The following UGT1A8 variants were observed in gnomAD, a reference collection of about 807,000 sequenced individuals.
UGT1A8 encodes UDP glucuronosyltransferase family 1 member A8.
UGT1A8 carries 39 observed loss-of-function variants against 45.3 expected under a neutral mutation model. The observed-to-expected ratio is 0.86, with a 90% CI of 0.67 to 1.12. UGT1A8 has a LOEUF of 1.12. Among genes scored for constraint, UGT1A8 ranks in the 50% most tolerant of loss-of-function variants. UGT1A8 has a pLI of 0.00. For synonymous variants in UGT1A8, 275 were observed against 249.2 expected (o/e 1.10, Z -0.97); for missense variants, 719 against 664.9 (o/e 1.08, Z -0.90).
intron 1 of UGT1A8, chr2:233,672,250 T>C (rs2074217670): frequency 1.9e-6 from 3 of 1,614,088 alleles, no homozygotes; most frequent in Non-Finnish European, 2.5e-6. Flanking sequence ...ACGAAGTATA[T>C]ATTCTCTATT....
intron 1 of UGT1A8, among the ~76,000 whole-genome samples, chr2:233,731,993 G>T (rs913496587): frequency 6.6e-6 from 1 of 152,180 alleles, no homozygotes; most frequent in African/African-American, 2.4e-5. Context: ...GGCGTGAGAT[G>T]GTATCTCATT....
intron 1 of UGT1A8, chr2:233,637,233 C>T (rs766013519): frequency 3.1e-6 from 5 of 1,613,782 alleles, no homozygotes; most frequent in Non-Finnish European, 4.2e-6. Context: ...TTCTCCAAAC[C>T]CCTGTCACGG....
Position 233,768,423 on chromosome 2 carries a change from G to C in UGT1A8, c.1279G>C (p.Val427Leu). ...SEDLENALKAVINDKSYKENI... is the reference protein window; with the variant it reads ...SEDLENALKALINDKSYKENI... ...AGATTTAGAAAATGCTCTAAAAGCAGTCATCAATGACAAAAGGTAAGAAAG... is the reference window on the plus strand; with the variant it reads ...AGATTTAGAAAATGCTCTAAAAGCACTCATCAATGACAAAAGGTAAGAAAG... The change falls in exon 4 of 5, where the codon GTC becomes CTC. Residue 427 changes from valine to leucine, a missense_variant. By Grantham distance (32) the Val-to-Leu change is conservative. Coordinates refer to ENST00000373450, the MANE Select transcript of UGT1A8 (RefSeq NM_019076.5). 6.2e-7 allele frequency: 1 copy of C among 1,614,098 alleles called. No individual in the cohort carries two copies. Among genetic ancestry groups the C allele is most frequent in the South Asian group, 1.1e-5 (1 of 91,060 alleles).
chr2:233,729,432 AAC>A (rs1456497728), intron 1 of UGT1A8: 1 of 1,613,916 alleles, frequency 6.2e-7, no homozygotes, highest in East Asian at 2.2e-5. Flanking sequence ...TGTACTTTGA[AAC>A]AGAACATTTT....
intron 1 of UGT1A8, among the ~76,000 whole-genome samples, chr2:233,688,667 T>A (rs1207441299): frequency 6.6e-6 from 1 of 152,216 alleles, no homozygotes; most frequent in Non-Finnish European, 1.5e-5. Flanking sequence ...TGCAGCTGGC[T>A]CTTTTTTAAA....
rs35915271 is a variant in UGT1A8 at position 233,764,965 on chromosome 2, A to T, written c.856-2069A>T. On this transcript the variant is annotated intron_variant, in intron 1 of 4. Coordinates refer to ENST00000373450, the MANE Select transcript of UGT1A8 (RefSeq NM_019076.5). ...GCGGGGAGAGAGGGCTCACCTTGGG[A>T]GAAGGATGGTCAGTGTCTGGGGCTT... Among the ~76,000 whole-genome samples the T allele has an allele frequency of 1.4e-3, 217 of 150,630 alleles. 1 individual carries two copies. The highest frequency in any genetic ancestry group is 5.0e-3 in the African/African-American group (206 of 40,976).
chr2:233,762,771 C>G (rs543365278), intron 1 of UGT1A8, among the ~76,000 whole-genome samples: 5 of 150,154 alleles, frequency 3.3e-5, no homozygotes, highest in South Asian at 4.2e-4. Context: ...ATTTCTATCT[C>G]TAGCTGATTA....
chr2:233,757,312 G>T (rs1288195448), intron 1 of UGT1A8, among the ~76,000 whole-genome samples: 1 of 141,202 alleles, frequency 7.1e-6, no homozygotes, highest in Non-Finnish European at 1.5e-5. Flanking sequence ...GGACAGGGGG[G>T]CTGGGGCCCT....
chr2:233,766,968 C>G, intron 1 of UGT1A8, 66 bp from the exon 2 acceptor site: 2 of 1,609,596 alleles, frequency 1.2e-6, no homozygotes, highest in Non-Finnish European at 1.7e-6. Context: ...TAATTCATAA[C>G]TTACTGTATG....
chr2:233,753,697 A>G (rs1238167644), intron 1 of UGT1A8: 1 of 152,206 alleles, frequency 6.6e-6, no homozygotes, highest in African/African-American at 2.4e-5. Flanking sequence ...TTACAGATGC[A>G]CTTGGCTTTC....
intron 1 of UGT1A8, chr2:233,690,639 A>C: frequency 7.8e-7 from 1 of 1,287,678 alleles, no homozygotes; most frequent in South Asian, 1.2e-5. Context: ...ACCTGAGGAC[A>C]CCTTGACTCC....
At chr2:233,695,645 C>T (rs1431820940) in intron 1 of UGT1A8, among the ~76,000 whole-genome samples, 1 of 152,012 alleles carries the variant, frequency 6.6e-6, no homozygotes, top group Non-Finnish European at 1.5e-5. Flanking sequence ...ACTTTTTTAG[C>T]TCCACATATA....
intron 1 of UGT1A8, among the ~76,000 whole-genome samples, chr2:233,662,924 A>G (rs573813596): frequency 2.0e-5 from 3 of 151,138 alleles, no homozygotes; most frequent in African/African-American, 7.3e-5. Context: ...TTTATATGGT[A>G]TGTTACTTAG....
Position 233,617,926 on chromosome 2 carries a change from A to T in UGT1A8, c.219A>T (p.Thr73=). The T allele has an allele frequency of 6.2e-7, 1 of 1,614,214 alleles. No individual in the cohort carries two copies. Among genetic ancestry groups the T allele is most frequent in the Non-Finnish European group, 8.5e-7 (1 of 1,180,038 alleles). ...AACTGGGAAAATCACTGAATTGCAC[A>T]GTGAAGACTTACTCAACCTCATACA... ...SWQLGKSLNC[T]VKTYSTSYTL... Residue 73 remains threonine, a synonymous_variant, in exon 1 of 5, where the codon ACA becomes ACT. Transcript: ENST00000373450.
At chr2:233,668,193 T>C (rs1385301352) in intron 1 of UGT1A8, among the ~76,000 whole-genome samples, 1 of 152,176 alleles carries the variant, frequency 6.6e-6, no homozygotes, top group African/African-American at 2.4e-5. Flanking sequence ...TTCCTAATGC[T>C]ATCCCTCCCC....
At chr2:233,703,885 A>AT (rs2075756699) in intron 1 of UGT1A8, among the ~76,000 whole-genome samples, 1 of 150,626 alleles carries the variant, frequency 6.6e-6, no homozygotes, top group Non-Finnish European at 1.5e-5. Context: ...GTCTACCATC[A>AT]TTTTTTTCTT....
chr2:233,680,563 T>C (rs1328827693), intron 1 of UGT1A8, among the ~76,000 whole-genome samples: 1 of 152,176 alleles, frequency 6.6e-6, no homozygotes, highest in Non-Finnish European at 1.5e-5. Context: ...CTCAGTGTGT[T>C]GCCTAACACA....
intron 1 of UGT1A8, chr2:233,671,898 A>G: frequency 6.4e-7 from 1 of 1,571,370 alleles, no homozygotes; most frequent in Middle Eastern, 1.7e-4. Context: ...ATAGGAGCTT[A>G]GATTCCCAGC....
At chr2:233,652,162 G>A (rs2125477514) in intron 1 of UGT1A8, among the ~76,000 whole-genome samples, 1 of 152,268 alleles carries the variant, frequency 6.6e-6, no homozygotes, top group East Asian at 1.9e-4. Context: ...GAAAAGATCT[G>A]GGCTTCCCCC....
Sources: allele counts gnomAD v4.1 joint callset (sites outside exome capture counted in the v4.1 genomes callset), GRCh38; gene constraint gnomAD v4.1.1; transcripts MANE v1.5; gene names NCBI Gene and HGNC (gene_info 2026-07-23, HGNC 2026-07-21).